The following CALN1 variants were observed in gnomAD, a reference collection of about 807,000 sequenced individuals.
CALN1 encodes the protein calneuron 1.
CALN1 carries 17 observed loss-of-function variants against 30.6 expected under a neutral mutation model. The ratio of observed to expected loss-of-function variants is 0.56; its 90% CI spans 0.38 to 0.83. The LOEUF (loss-of-function observed/expected upper bound fraction) is 0.83, where lower values mean the gene tolerates loss of function less well. CALN1 is among the 40% of genes least tolerant of loss of function. CALN1 has a pLI of 0.00. For missense variants in CALN1, 291 were observed against 354.9 expected (o/e 0.82, Z 1.45); for synonymous variants, 156 against 131.4 (o/e 1.19, Z -1.28).
intron 1 of CALN1, among the ~76,000 whole-genome samples, chr7:72,438,178 C>T (rs914092179): frequency 2.6e-5 from 4 of 151,912 alleles, no homozygotes; most frequent in Non-Finnish European, 5.9e-5. Context: ...GATGAGGTCT[C>T]GCTATGGTGC....
chr7:71,785,964 C>T lies in CALN1; in HGVS notation c.*1811G>A, dbSNP rs1285010271. On this transcript the variant is annotated 3_prime_UTR_variant, in exon 7 of 7. Coordinates refer to ENST00000395275, the MANE Select transcript of CALN1 (RefSeq NM_031468.4). ...CCAGGCTCTTGGGAGCTTACATCTG[C>T]TCCCTCCTCCATATTATGGCTGAAG... The T allele has an allele frequency of 6.5e-6, 1 of 152,708 alleles. No individual in the cohort carries two copies. Among genetic ancestry groups the T allele is most frequent in the Non-Finnish European group, 1.5e-5 (1 of 68,084 alleles). The allele number at this position is 152,708 out of a possible 1,614,324, so 9.5% of individuals were successfully genotyped here.
chr7:72,007,357 C>T (rs978656781), intron 5 of CALN1, among the ~76,000 whole-genome samples: 1 of 152,290 alleles, frequency 6.6e-6, no homozygotes, highest in East Asian at 1.9e-4. Flanking sequence ...GCTAGCCTGG[C>T]AAACATGGAG....
In CALN1 at chr7:72,407,961, G is replaced by A. The variant is rs113310296; in HGVS notation, c.-74+4097C>T. Among the ~76,000 whole-genome samples the A allele has an allele frequency of 6.4e-3, 975 of 152,250 alleles. 6 individuals are homozygous for A. The highest frequency in any genetic ancestry group is 0.022 in the African/African-American group (932 of 41,540). ...GTCTGGAGGATCAGCTTGTTCCTGA[G>A]AGTATCCAAGAAGGGAGACTTTGAT... On this transcript the variant is annotated intron_variant, in intron 1 of 6. Transcript: ENST00000395275.
chr7:72,210,814 G>A (rs1195269760), intron 3 of CALN1, among the ~76,000 whole-genome samples: 1 of 151,986 alleles, frequency 6.6e-6, no homozygotes, highest in Non-Finnish European at 1.5e-5. Flanking sequence ...CATATCAGAT[G>A]CTGAGGTGGG....
intron 5 of CALN1, among the ~76,000 whole-genome samples, chr7:71,965,955 T>C (rs902148460): frequency 6.6e-6 from 1 of 152,230 alleles, no homozygotes; most frequent in African/African-American, 2.4e-5. Flanking sequence ...TATGGAGTTT[T>C]GCAAAACCAT....
chr7:71,937,456 T>A (rs527859889), intron 5 of CALN1, among the ~76,000 whole-genome samples: 1 of 151,778 alleles, frequency 6.6e-6, no homozygotes, highest in South Asian at 2.1e-4. Context: ...AATATATATA[T>A]ATATAGATGT....
At chr7:71,841,101 CTA>C (rs1219261774) in intron 5 of CALN1, among the ~76,000 whole-genome samples, 1 of 152,052 alleles carries the variant, frequency 6.6e-6, no homozygotes, top group African/African-American at 2.4e-5. Context: ...CAAACAGAGG[CTA>C]TGTTGGAAGG....
At chr7:72,439,993 T>C (rs545153753) in intron 1 of CALN1, among the ~76,000 whole-genome samples, 11 of 152,314 alleles carry the variant, frequency 7.2e-5, no homozygotes, top group East Asian at 5.8e-4. Flanking sequence ...TGGCCCCTTA[T>C]AGTTCAAACC....
intron 2 of CALN1, among the ~76,000 whole-genome samples, chr7:72,347,154 A>C (rs1267730189): frequency 4.6e-5 from 7 of 152,214 alleles, no homozygotes; most frequent in Non-Finnish European, 1.0e-4. Flanking sequence ...AAGTCCTATA[A>C]ACTCCGAATA....
chr7:72,205,551 A>AATATATACATATATATATATAT (rs1554319584), intron 3 of CALN1, among the ~76,000 whole-genome samples: 4 of 83,044 alleles, frequency 4.8e-5, no homozygotes, highest in Admixed American at 2.8e-4. Flanking sequence ...GCAAAAAAAA[A>AATATATACATATATATATATAT]ATATATATAT....
At chr7:72,478,116 C>T in the CALN1 span, among the ~76,000 whole-genome samples, 5 of 151,940 alleles carry the variant, frequency 3.3e-5, no homozygotes, top group East Asian at 7.8e-4. Context: ...TTGGCTCATG[C>T]CTGTAATTCC....
At chr7:72,000,953 C>A (rs972252661) in intron 5 of CALN1, among the ~76,000 whole-genome samples, 1 of 152,176 alleles carries the variant, frequency 6.6e-6, no homozygotes, top group Admixed American at 6.6e-5. Context: ...TAAGTTGTCT[C>A]TCTAAAATAG....
At chr7:72,311,394 C>T (rs907495338) in intron 2 of CALN1, among the ~76,000 whole-genome samples, 1 of 152,088 alleles carries the variant, frequency 6.6e-6, no homozygotes, top group East Asian at 1.9e-4. Flanking sequence ...TGGGGGGAGT[C>T]AAAAGTTATG....
chr7:72,181,317 T>C (rs1401133737), intron 3 of CALN1, among the ~76,000 whole-genome samples: 1 of 150,544 alleles, frequency 6.6e-6, no homozygotes, highest in Non-Finnish European at 1.5e-5. Flanking sequence ...ATATGTTATA[T>C]GAATATATTT....
At chr7:72,188,387 T>G (rs1296103013) in intron 3 of CALN1, among the ~76,000 whole-genome samples, 1 of 152,154 alleles carries the variant, frequency 6.6e-6, no homozygotes, top group East Asian at 1.9e-4. Context: ...AGGAATGAAT[T>G]AATAGCATTT....
intron 5 of CALN1, among the ~76,000 whole-genome samples, chr7:71,840,610 C>T (rs1789884539): frequency 6.6e-6 from 1 of 151,464 alleles, no homozygotes; most frequent in African/African-American, 2.4e-5. Flanking sequence ...ATATTAAATT[C>T]GGAGAGACCT....
At chr7:72,226,501 A>C (rs1338619713) in intron 3 of CALN1, among the ~76,000 whole-genome samples, 1 of 152,176 alleles carries the variant, frequency 6.6e-6, no homozygotes, top group Non-Finnish European at 1.5e-5. Flanking sequence ...AAGATGACCC[A>C]GCTTCAACAC....
At chr7:72,087,501 G>T (rs532843010) in intron 4 of CALN1, among the ~76,000 whole-genome samples, 5 of 152,290 alleles carry the variant, frequency 3.3e-5, no homozygotes, top group African/African-American at 1.2e-4. Flanking sequence ...CCACCAAAGA[G>T]TGTTAGAAAA....
At chr7:72,248,044 A>G (rs1388437325) in intron 3 of CALN1, among the ~76,000 whole-genome samples, 2 of 152,178 alleles carry the variant, frequency 1.3e-5, no homozygotes, top group Non-Finnish European at 2.9e-5. Context: ...ATTGTTCTGG[A>G]AGTCAGAAGT....
Sources: allele counts gnomAD v4.1 joint callset (sites outside exome capture counted in the v4.1 genomes callset), GRCh38; gene constraint gnomAD v4.1.1; transcripts MANE v1.5; gene names NCBI Gene and HGNC (gene_info 2026-07-23, HGNC 2026-07-21).